LRP1B: variants seen among roughly 807,000 people sequenced by gnomAD.
LRP1B encodes low-density lipoprotein receptor-related protein 1B.
LRP1B carries 217 observed loss-of-function variants against 556.6 expected under a neutral mutation model. That is an observed-to-expected ratio of 0.39 (90% CI 0.35 to 0.44). LRP1B has a LOEUF of 0.44. LRP1B is among the 20% of genes least tolerant of loss of function. LRP1B has a pLI of 1.00. For synonymous variants in LRP1B, 2,047 were observed against 1,865.8 expected (o/e 1.10, Z -2.50); for missense variants, 5,053 against 5,620.8 (o/e 0.90, Z 3.23).
At chr2:141,433,602 T>A (rs1454391655) in intron 3 of LRP1B, among the ~76,000 whole-genome samples, 1 of 152,158 alleles carries the variant, frequency 6.6e-6, no homozygotes, top group East Asian at 1.9e-4. Flanking sequence ...GTCATTTCAC[T>A]ATCTAATGGT....
intron 86 of LRP1B, among the ~76,000 whole-genome samples, chr2:140,250,966 C>T (rs1681387497): frequency 6.6e-6 from 1 of 151,756 alleles, no homozygotes. Flanking sequence ...TACACAATAC[C>T]TGGAGTATGC....
chr2:140,453,821 G>A (rs938622697), intron 62 of LRP1B, among the ~76,000 whole-genome samples: 1 of 151,880 alleles, frequency 6.6e-6, no homozygotes, highest in African/African-American at 2.4e-5. Context: ...TACTATTTGG[G>A]GAACATGTCA....
rs115110129 is a variant in LRP1B, at chr2:141,230,177, C to T, written c.593-737G>A. Among the ~76,000 whole-genome samples, 875 of 152,218 alleles carry T rather than the reference C, an allele frequency of 5.7e-3. 11 individuals are homozygous for T. The highest frequency in any genetic ancestry group is 0.021 in the African/African-American group (858 of 41,548). The stretch of plus-strand genomic sequence containing the variant: ...TAACAGTAAAATCTGATAGAAAATT[C>T]GTGTTGATAGAGTTTAGCTATACAA... On this transcript the variant is annotated intron_variant, in intron 5 of 90. Coordinates refer to ENST00000389484, the MANE Select transcript of LRP1B (RefSeq NM_018557.3).
intron 11 of LRP1B, among the ~76,000 whole-genome samples, chr2:141,034,485 T>G (rs1239271671): frequency 3.3e-5 from 5 of 151,840 alleles, no homozygotes; most frequent in Non-Finnish European, 1.5e-5. Flanking sequence ...ATACCCAGAA[T>G]CTACAATCAA....
chr2:141,068,450 G>C (rs1699542380), intron 7 of LRP1B, among the ~76,000 whole-genome samples: 1 of 151,112 alleles, frequency 6.6e-6, no homozygotes, highest in African/African-American at 2.4e-5. Context: ...TGTGATGTTT[G>C]CATAGTGCAA....
At chr2:140,883,120 C>T (rs993862158) in intron 25 of LRP1B, among the ~76,000 whole-genome samples, 1 of 152,154 alleles carries the variant, frequency 6.6e-6, no homozygotes, top group African/African-American at 2.4e-5. Flanking sequence ...AAAAGATACA[C>T]TTGATACACC....
At chr2:140,374,296 G>T (rs952421554) in intron 68 of LRP1B, among the ~76,000 whole-genome samples, 2 of 152,116 alleles carry the variant, frequency 1.3e-5, no homozygotes, top group African/African-American at 2.4e-5. Flanking sequence ...TCCACAAAAA[G>T]TGTAACAATC....
At chr2:140,422,922 A>G (rs560390537) in intron 66 of LRP1B, among the ~76,000 whole-genome samples, 1 of 152,188 alleles carries the variant, frequency 6.6e-6, no homozygotes, top group Non-Finnish European at 1.5e-5. Context: ...TTAGAAATGC[A>G]TTCCATGTTA....
rs998825855 is a variant in LRP1B at position 141,345,370 on chromosome 2, C to CT, written c.344-90730dup. Among the ~76,000 whole-genome samples, 17 of 151,654 alleles carry CT rather than the reference C, an allele frequency of 1.1e-4. No individual in the cohort carries two copies. The East Asian group carries it at 1.5e-3, about 14-fold the overall frequency. On this transcript the variant is annotated intron_variant, in intron 3 of 90. Coordinates refer to ENST00000389484, the MANE Select transcript of LRP1B (RefSeq NM_018557.3). ...AGCAGCAAAAGTAAACTAATAAGGA[C>CT]TTTTTTTTTCTCTCCAGTGTTTTTA...
chr2:141,612,690 A>G (rs956816996), intron 2 of LRP1B, among the ~76,000 whole-genome samples: 3 of 152,188 alleles, frequency 2.0e-5, no homozygotes, highest in Non-Finnish European at 4.4e-5. Context: ...CATTAATGCC[A>G]TAGGCAACCA....
chr2:140,817,056 T>C (rs912026172), intron 31 of LRP1B, among the ~76,000 whole-genome samples: 9 of 152,096 alleles, frequency 5.9e-5, no homozygotes, highest in African/African-American at 2.2e-4. Context: ...GCTAAATCAA[T>C]ACCCATGAGA....
rs570204252 is a variant in LRP1B at position 141,365,742 on chromosome 2, G to A, written c.344-111101C>T. On this transcript the variant is annotated intron_variant, in intron 3 of 90. Coordinates refer to ENST00000389484, the MANE Select transcript of LRP1B (RefSeq NM_018557.3). ...GGCTGGAGTGCAGTGGCACAATCTC[G>A]GCTACCTGCAAGATCCGCCTCCCGG... Among the ~76,000 whole-genome samples, 953 of 143,694 alleles carry A rather than the reference G, an allele frequency of 6.6e-3. 7 individuals are homozygous for A. Among genetic ancestry groups the A allele is most frequent in the Non-Finnish European group, 0.011 (736 of 66,470 alleles). 94.3% of individuals were successfully genotyped at this position (143,694 alleles called of 152,430 possible).
intron 67 of LRP1B, among the ~76,000 whole-genome samples, chr2:140,380,562 T>G (rs988733855): frequency 6.6e-6 from 1 of 152,156 alleles, no homozygotes; most frequent in African/African-American, 2.4e-5. Flanking sequence ...AATTTTTTCA[T>G]GAAAAGAATA....
intron 3 of LRP1B, among the ~76,000 whole-genome samples, chr2:141,475,057 A>G (rs1227839036): frequency 6.6e-6 from 1 of 152,150 alleles, no homozygotes; most frequent in Non-Finnish European, 1.5e-5. Flanking sequence ...AGAGACTGTC[A>G]TTCCCACAGA....
rs760195773 is a variant in LRP1B, at chr2:140,716,030, A to G, written c.5966T>C (p.Val1989Ala). Residue 1989 changes from valine to alanine, a missense_variant, in exon 37 of 91, where the codon GTA (valine) becomes GCA (alanine). Coordinates refer to ENST00000389484, the MANE Select transcript of LRP1B (RefSeq NM_018557.3). ...TTGATCCAGGCCTTGGGAAATAATT[A>G]CATAACGGAAAGAACCATTGAGTCT... Reference protein sequence around the residue: ...VARLNGSFRYVIISQGLDQPR... With the variant: ...VARLNGSFRYAIISQGLDQPR... 1 of 1,610,228 alleles carries G rather than the reference A, an allele frequency of 6.2e-7. No individual in the cohort carries two copies. Among genetic ancestry groups the G allele is most frequent in the Non-Finnish European group, 8.5e-7 (1 of 1,177,100 alleles).
intron 1 of LRP1B, among the ~76,000 whole-genome samples, chr2:142,084,043 G>C (rs906268333): frequency 6.6e-6 from 1 of 150,408 alleles, no homozygotes; most frequent in Non-Finnish European, 1.5e-5. Flanking sequence ...GCAGTGGTGC[G>C]ATCTTGGCTC....
chr2:140,705,477 TCACAC>T (rs1307691079), intron 37 of LRP1B, among the ~76,000 whole-genome samples: 2 of 120,672 alleles, frequency 1.7e-5, no homozygotes, highest in African/African-American at 6.6e-5. Flanking sequence ...TGAGCCAAGA[TCACAC>T]CATTGCACTC....
rs557133315 is a variant in LRP1B at position 140,334,799 on chromosome 2, A to G, written c.12117-240T>C. ...TGAGAATCATTGTATACTATGATGT[A>G]CTACAGCTCATTATTTAATATCCAA... On this transcript the variant is annotated intron_variant, in intron 78 of 90. Coordinates refer to ENST00000389484, the MANE Select transcript of LRP1B (RefSeq NM_018557.3). 3.8e-4 allele frequency among the ~76,000 whole-genome samples: 58 copies of G among 152,180 alleles called. No homozygotes were observed. The South Asian group carries it at 0.012, about 31-fold the overall frequency.
At chr2:141,384,058 A>G (rs1689740794) in intron 3 of LRP1B, among the ~76,000 whole-genome samples, 1 of 152,196 alleles carries the variant, frequency 6.6e-6, no homozygotes, top group Non-Finnish European at 1.5e-5. Context: ...AATTAGTTTG[A>G]TGTAGTAATC....
Sources: allele counts gnomAD v4.1 joint callset (sites outside exome capture counted in the v4.1 genomes callset), GRCh38; gene constraint gnomAD v4.1.1; transcripts MANE v1.5; gene names NCBI Gene and HGNC (gene_info 2026-07-23, HGNC 2026-07-21).